The following CNTN6 variants were observed in gnomAD, a reference collection of about 807,000 sequenced individuals.
CNTN6 encodes the protein contactin-6.
Under a neutral mutation model 122.8 loss-of-function variants are expected in CNTN6, and 137 were observed. That is an observed-to-expected ratio of 1.12 (90% confidence interval 0.97 to 1.29). CNTN6 has a LOEUF of 1.29. Ranked by LOEUF, CNTN6 falls within the 50% of genes most tolerant of loss-of-function variation. The pLI is 0.00. For missense variants in CNTN6, 1,634 were observed against 1,223.4 expected (o/e 1.34, Z -5.01); for synonymous variants, 570 against 426.0 (o/e 1.34, Z -4.16).
At chr3:1,172,019 C>A (rs1165705163) in intron 2 of CNTN6, among the ~76,000 whole-genome samples, 2 of 152,170 alleles carry the variant, frequency 1.3e-5, no homozygotes, top group East Asian at 3.9e-4. Context: ...CATTGAAGCT[C>A]TTGAGTCCCT....
intron 2 of CNTN6, among the ~76,000 whole-genome samples, chr3:1,156,335 T>C (rs972089713): frequency 7.2e-5 from 11 of 152,228 alleles, no homozygotes; most frequent in Non-Finnish European, 1.6e-4. Flanking sequence ...AAGAATTTTG[T>C]CATTTCCACA....
At chr3:1,268,561 TGA>T (rs2094965722) in intron 4 of CNTN6, among the ~76,000 whole-genome samples, 8 of 137,108 alleles carry the variant, frequency 5.8e-5, no homozygotes, top group African/African-American at 1.4e-4. Flanking sequence ...GAGCCGAGAT[TGA>T]GCCACTGCAC....
Position 1,383,186 on chromosome 3 carries a change from C to CCTCAA in CNTN6, c.2401+14_2401+18dup, listed in dbSNP as rs2126181274. 1.2e-6 allele frequency: 2 copies of CCTCAA among 1,608,660 alleles called. No individual in the cohort carries two copies. The highest frequency in any genetic ancestry group is 1.1e-5 in the South Asian group (1 of 90,920). ...TACTCTGGGGAAGATGGTAAGTTGT[C>CCTCAA]CTCAACTCTGGTTTTCTTTGAGACT... On this transcript the variant is annotated intron_variant, in intron 18 of 22. Transcript: ENST00000446702.
intron 7 of CNTN6, among the ~76,000 whole-genome samples, chr3:1,300,898 G>A (rs551468340): frequency 5.3e-5 from 8 of 151,390 alleles, no homozygotes; most frequent in Admixed American, 2.0e-4. Flanking sequence ...GGATATATGA[G>A]GTATGTGGAA....
rs111539311 is a variant in CNTN6 at position 1,360,602 on chromosome 3, AT to A, written c.1492+8159del. On this transcript the variant is annotated intron_variant, in intron 12 of 22. Coordinates refer to ENST00000446702, the MANE Select transcript of CNTN6 (RefSeq NM_001289080.2). Reference sequence around the variant, plus strand: ...TCTATATACATGTATGTATACACGTATTTTTTTTCTTTTTTTCTCTCTTAGT... The same window carrying A: ...TCTATATACATGTATGTATACACGTATTTTTTTCTTTTTTTCTCTCTTAGT... 2.5e-4 allele frequency among the ~76,000 whole-genome samples: 38 copies of A among 151,364 alleles called. No individual in the cohort carries two copies. In the East Asian group the frequency reaches 3.1e-3, roughly 12 times the overall value.
chr3:1,335,976 G>C (rs1193029452), intron 11 of CNTN6, among the ~76,000 whole-genome samples: 1 of 152,056 alleles, frequency 6.6e-6, no homozygotes, highest in East Asian at 1.9e-4. Context: ...CTTGAGCCCA[G>C]GATGTTGAGG....
intron 20 of CNTN6, among the ~76,000 whole-genome samples, chr3:1,389,659 T>A (rs1233231031): frequency 6.6e-6 from 1 of 151,816 alleles, no homozygotes. Flanking sequence ...TGTGCTGTAT[T>A]CAGGAAACCC....
chr3:1,215,685 GTT>G (rs199840741), intron 2 of CNTN6, among the ~76,000 whole-genome samples: 10,535 of 152,096 alleles, frequency 0.069, 450 homozygotes, highest in Non-Finnish European at 0.1. Context: ...GTCATGCCAT[GTT>G]TTACTCTTTT....
At chr3:1,158,854 A>AGTG (rs1559422311) in intron 2 of CNTN6, among the ~76,000 whole-genome samples, 2 of 55,396 alleles carry the variant, frequency 3.6e-5, no homozygotes, top group African/African-American at 1.7e-4. Context: ...ATATACATAC[A>AGTG]TATATATACA....
intron 19 of CNTN6, among the ~76,000 whole-genome samples, chr3:1,384,766 T>C (rs76711665): frequency 1.1e-3 from 135 of 122,134 alleles, no homozygotes; most frequent in Admixed American, 3.1e-3. Flanking sequence ...TATACATATA[T>C]ATACACATAT....
intron 12 of CNTN6, among the ~76,000 whole-genome samples, chr3:1,362,811 ATG>A (rs1707659707): frequency 6.6e-6 from 1 of 151,934 alleles, no homozygotes; most frequent in Non-Finnish European, 1.5e-5. Context: ...TCAAGAAATT[ATG>A]TGAGTCCCAA....
At chr3:1,247,733 T>C (rs77415555) in intron 4 of CNTN6, among the ~76,000 whole-genome samples, 97 of 152,282 alleles carry the variant, frequency 6.4e-4, no homozygotes, top group African/African-American at 2.2e-3. Context: ...ATTCCGTGGA[T>C]TATAGTCCCC....
Position 1,102,503 on chromosome 3 carries a change from G to A in CNTN6, c.-83+9383G>A, listed in dbSNP as rs538230191. On this transcript the variant is annotated intron_variant, in intron 1 of 22. Transcript: ENST00000446702. ...CCCAGCACTTTGGGAGGCCGAGGTG[G>A]GCGGATCACCAGGTCAGGAGATCGA... is the stretch of plus-strand genomic sequence containing the variant. 1.8e-3 allele frequency among the ~76,000 whole-genome samples: 267 copies of A among 152,122 alleles called. 2 individuals are homozygous for A. Among genetic ancestry groups the A allele is most frequent in the Middle Eastern group, 3.4e-3 (1 of 294 alleles).
At chr3:1,140,258 T>C (rs570202620) in intron 1 of CNTN6, among the ~76,000 whole-genome samples, 9 of 152,158 alleles carry the variant, frequency 5.9e-5, no homozygotes, top group Admixed American at 1.3e-4. Context: ...TTCTATAAGA[T>C]ATAATTACCT....
chr3:1,315,604 T>C (rs960336566), intron 7 of CNTN6, among the ~76,000 whole-genome samples: 9 of 152,024 alleles, frequency 5.9e-5, no homozygotes, highest in Admixed American at 5.3e-4. Context: ...CAGTTAATGA[T>C]TATTAATATT....
At position 1,189,853 on chromosome 3, in the gene CNTN6, T is replaced by A. The variant is rs542802513; in HGVS notation, c.56-30834T>A. On this transcript the variant is annotated intron_variant, in intron 2 of 22. Transcript: ENST00000446702. Reference sequence around the variant, plus strand: ...CCAGAATGTGTTCCATCCCCTCTTTTTACAGGCAAACAAATTGGGGATCAG... The same window carrying A: ...CCAGAATGTGTTCCATCCCCTCTTTATACAGGCAAACAAATTGGGGATCAG... 3.3e-5 allele frequency among the ~76,000 whole-genome samples: 5 copies of A among 152,306 alleles called. No homozygotes were observed. In the East Asian group the frequency reaches 7.7e-4, roughly 24 times the overall value.
intron 19 of CNTN6, 94 bp from the exon 20 acceptor site, chr3:1,385,517 T>C (rs896152280): frequency 1.2e-5 from 12 of 966,266 alleles, no homozygotes; most frequent in Non-Finnish European, 1.8e-5. Context: ...CTTCTTCCCA[T>C]ATTCCTTGTG....
intron 15 of CNTN6, 27 bp downstream of exon 15, chr3:1,373,789 C>T (rs1165711761): frequency 6.5e-7 from 1 of 1,545,398 alleles, no homozygotes; most frequent in Non-Finnish European, 8.7e-7. Context: ...TTTTGGGTCA[C>T]TTTAAAAATA....
intron 4 of CNTN6, among the ~76,000 whole-genome samples, chr3:1,255,486 G>A (rs1240168806): frequency 6.6e-6 from 1 of 151,898 alleles, no homozygotes; most frequent in Admixed American, 6.6e-5. Context: ...AGGGAATGGT[G>A]TCAGTAAAAG....
Sources: allele counts gnomAD v4.1 joint callset (sites outside exome capture counted in the v4.1 genomes callset), GRCh38; gene constraint gnomAD v4.1.1; transcripts MANE v1.5; gene names NCBI Gene and HGNC (gene_info 2026-07-23, HGNC 2026-07-21).